ATRNL1: variants seen among roughly 807,000 people sequenced by gnomAD.
The protein encoded by ATRNL1 is attractin-like protein 1.
ATRNL1 carries 95 observed loss-of-function variants against 182.7 expected under a neutral mutation model. That is an observed-to-expected ratio of 0.52 (90% CI 0.44 to 0.62). The LOEUF (loss-of-function observed/expected upper bound fraction) is 0.62, where lower values mean the gene tolerates loss of function less well. Among genes scored for constraint, ATRNL1 ranks in the 20% least tolerant of loss-of-function variants. ATRNL1 has a pLI of 0.00. For missense variants in ATRNL1, 1,471 were observed against 1,679.5 expected, an observed-to-expected ratio of 0.88 and a Z score of 2.17; for synonymous variants, 576 against 568.3, an observed-to-expected ratio of 1.01 and a Z score of -0.19.
At position 115,165,587 on chromosome 10, in the gene ATRNL1, T is replaced by C. The variant is rs782763202; in HGVS notation, c.1034T>C (p.Val345Ala). Residue 345 changes from valine to alanine, a missense_variant, in exon 7 of 29, where the codon GTA (valine) becomes GCA (alanine). Physicochemically the swap from Val to Ala is moderately conservative, Grantham distance 64 (BLOSUM62 0). Coordinates refer to ENST00000355044, the MANE Select transcript of ATRNL1 (RefSeq NM_207303.4). ...AATTTAGAAAGCAGTATATGGAATG[T>C]AGGAACTCCATCAAGGGGACCTCTC... ...NYNLESSIWN[V>A]GTPSRGPLQR... is the part of the protein sequence containing the mutation. The C allele has an allele frequency of 6.5e-6, 10 of 1,540,250 alleles. No homozygotes were observed. The highest frequency in any genetic ancestry group is 3.8e-5 in the South Asian group (3 of 78,142).
chr10:115,593,839 TATTATC>T (rs1246844501), intron 26 of ATRNL1, among the ~76,000 whole-genome samples: 4 of 152,182 alleles, frequency 2.6e-5, no homozygotes, highest in Admixed American at 6.5e-5. Flanking sequence ...TGCTTACACT[TATTATC>T]ATTATCCTGT....
At chr10:115,462,125 TC>T in intron 22 of ATRNL1, 90 bp downstream of exon 22, 1 of 875,738 alleles carries the variant, frequency 1.1e-6, no homozygotes, top group South Asian at 1.9e-5. Context: ...CTCAGAATTA[TC>T]ACATTGTAGG....
At chr10:115,236,048 T>C (rs543476814) in intron 9 of ATRNL1, among the ~76,000 whole-genome samples, 1 of 152,296 alleles carries the variant, frequency 6.6e-6, no homozygotes, top group South Asian at 2.1e-4. Flanking sequence ...GTGCTTATAT[T>C]GTCACAGATT....
Position 115,241,743 on chromosome 10 carries a change from T to C in ATRNL1, c.1687+18T>C, listed in dbSNP as rs1412695720. The C allele has an allele frequency of 2.5e-6, 4 of 1,591,066 alleles. No individual in the cohort carries two copies. The highest frequency in any genetic ancestry group is 2.2e-5 in the East Asian group (1 of 44,550). On this transcript the variant is annotated intron_variant, in intron 10 of 28. Coordinates refer to ENST00000355044, the MANE Select transcript of ATRNL1 (RefSeq NM_207303.4). ...TGACATAGGTATGTATCTGTTAGGA[T>C]TGTACAAAGTAGGAAATATCAGAAA...
chr10:115,265,161 C>G, intron 10 of ATRNL1, 32 bp from the exon 11 acceptor site: 1 of 1,354,804 alleles, frequency 7.4e-7, no homozygotes, highest in Non-Finnish European at 1.0e-6. Flanking sequence ...TCTTTTATTT[C>G]ATTTTTTGTT....
intron 17 of ATRNL1, among the ~76,000 whole-genome samples, chr10:115,303,123 CT>C (rs35839993): frequency 0.012 from 1,772 of 148,258 alleles, 37 homozygotes; most frequent in African/African-American, 0.04. Flanking sequence ...ACTTTATGTC[CT>C]TTTTTTTTTG....
chr10:115,098,415 A>G (rs1314852385), intron 1 of ATRNL1, among the ~76,000 whole-genome samples: 1 of 131,196 alleles, frequency 7.6e-6, no homozygotes, highest in Admixed American at 7.8e-5. Context: ...TTGGGTGATT[A>G]CTGATCATCC....
At chr10:115,134,643 T>C (rs1053945356) in intron 5 of ATRNL1, among the ~76,000 whole-genome samples, 4 of 152,046 alleles carry the variant, frequency 2.6e-5, no homozygotes, top group Non-Finnish European at 5.9e-5. Flanking sequence ...TGAAACTATT[T>C]CAATCAATAG....
intron 26 of ATRNL1, among the ~76,000 whole-genome samples, chr10:115,628,669 A>T (rs1036864459): frequency 6.6e-6 from 1 of 152,090 alleles, no homozygotes; most frequent in Non-Finnish European, 1.5e-5. Flanking sequence ...CATCATAAAG[A>T]TTTATCTCTT....
chr10:115,791,137 T>A (rs1949522637), intron 27 of ATRNL1, among the ~76,000 whole-genome samples: 1 of 152,160 alleles, frequency 6.6e-6, no homozygotes, highest in Admixed American at 6.5e-5. Flanking sequence ...CAGGTCCACA[T>A]AGCTTACTTC....
At chr10:115,150,361 ATCT>A (rs782158659) in intron 5 of ATRNL1, among the ~76,000 whole-genome samples, 2 of 147,336 alleles carry the variant, frequency 1.4e-5, no homozygotes, top group African/African-American at 2.5e-5. Context: ...TTTATTATTT[ATCT>A]TCTTCTAGTA....
chr10:115,377,785 C>T (rs1329068477), intron 19 of ATRNL1, among the ~76,000 whole-genome samples: 1 of 152,086 alleles, frequency 6.6e-6, no homozygotes, highest in Non-Finnish European at 1.5e-5. Context: ...GGAGTTGGCT[C>T]ATGTGGCTGA....
At chr10:115,576,578 G>A (rs577638295) in intron 26 of ATRNL1, among the ~76,000 whole-genome samples, 1 of 151,802 alleles carries the variant, frequency 6.6e-6, no homozygotes, top group Non-Finnish European at 1.5e-5. Flanking sequence ...TTTAAAATTA[G>A]GTTATTTGCT....
At position 115,175,603 on chromosome 10, in the gene ATRNL1, G is replaced by T. The variant is rs932333543; in HGVS notation, c.1348+4311G>T. Among the ~76,000 whole-genome samples the T allele has an allele frequency of 3.9e-5, 6 of 152,152 alleles. 1 individual carries two copies. The South Asian group carries it at 1.2e-3, about 32-fold the overall frequency. On this transcript the variant is annotated intron_variant, in intron 8 of 28. Coordinates refer to ENST00000355044, the MANE Select transcript of ATRNL1 (RefSeq NM_207303.4). ...TAAGATGAAAATGGGAAGAATACAT[G>T]ATTGATGAGTTTTATAAGAATAATA...
intron 26 of ATRNL1, among the ~76,000 whole-genome samples, chr10:115,645,887 G>C (rs1859576880): frequency 6.6e-6 from 1 of 152,004 alleles, no homozygotes; most frequent in Non-Finnish European, 1.5e-5. Flanking sequence ...TGGTGAAGAG[G>C]AACACAGACA....
chr10:115,931,003 G>T (rs932210113), intron 28 of ATRNL1, among the ~76,000 whole-genome samples: 1 of 152,108 alleles, frequency 6.6e-6, no homozygotes, highest in Non-Finnish European at 1.5e-5. Context: ...ATTCATACAG[G>T]ATTTGCTTTT....
At chr10:115,682,702 A>ATGATG (rs558767341) in intron 26 of ATRNL1, among the ~76,000 whole-genome samples, 1 of 147,066 alleles carries the variant, frequency 6.8e-6, no homozygotes, top group African/African-American at 2.7e-5. Flanking sequence ...TGATGATGAT[A>ATGATG]GAAGAGCCAG....
chr10:115,202,235 C>T (rs1361333683), intron 8 of ATRNL1, among the ~76,000 whole-genome samples: 3 of 151,646 alleles, frequency 2.0e-5, no homozygotes, highest in African/African-American at 7.3e-5. Flanking sequence ...GCTTCTCCTG[C>T]CTAATTGCCC....
At chr10:115,515,792 C>T (rs1850606114) in intron 24 of ATRNL1, among the ~76,000 whole-genome samples, 1 of 151,818 alleles carries the variant, frequency 6.6e-6, no homozygotes, top group Admixed American at 6.6e-5. Context: ...TTAAATTACT[C>T]ATGAAGTTCA....
Sources: gnomAD v4.1 joint callset for allele counts (sites outside exome capture counted in the v4.1 genomes callset) on GRCh38, gnomAD v4.1.1 for gene constraint, MANE v1.5 for transcripts, NCBI Gene and HGNC (gene_info 2026-07-23, HGNC 2026-07-21) for gene names.